The following EDRF1 variants were observed in gnomAD, a reference collection of about 807,000 sequenced individuals.
EDRF1 encodes erythroid differentiation-related factor 1.
A neutral mutation model predicts 148.7 loss-of-function variants in EDRF1; 69 were observed. The observed-to-expected ratio is 0.46, with a 90% CI of 0.38 to 0.57. The LOEUF is 0.57. Ranked by LOEUF, EDRF1 falls within the 20% of genes least tolerant of loss-of-function variation. EDRF1 has a pLI of 0.00. For missense variants in EDRF1, 1,118 were observed against 1,478.7 expected, an observed-to-expected ratio of 0.76 and a Z score of 4.00; for synonymous variants, 515 against 532.8, an observed-to-expected ratio of 0.97 and a Z score of 0.46.
chr10:125,725,933 G>T, intron 6 of EDRF1, 95 bp downstream of exon 6: 1 of 1,320,232 alleles, frequency 7.6e-7, no homozygotes, highest in Non-Finnish European at 1.1e-6. Context: ...ACAGGACTAA[G>T]AAATATTCTG....
intron 8 of EDRF1, among the ~76,000 whole-genome samples, chr10:125,730,038 T>G (rs1264062059): frequency 6.6e-6 from 1 of 152,220 alleles, no homozygotes; most frequent in Non-Finnish European, 1.5e-5. Flanking sequence ...CCTTTCCTAT[T>G]ATATTGTCTT....
chr10:125,735,501 G>A, intron 12 of EDRF1, 143 bp from the exon 13 acceptor site: 1 of 780,146 alleles, frequency 1.3e-6, no homozygotes. Flanking sequence ...GCTTTGAACT[G>A]GGAACATTTC....
At position 125,745,662 on chromosome 10, in the gene EDRF1, A is replaced by G. The variant is rs777552803; in HGVS notation, c.2591-45A>G. On this transcript the variant is annotated intron_variant, in intron 18 of 24. Coordinates refer to ENST00000356792, the MANE Select transcript of EDRF1 (RefSeq NM_001202438.2). ...ATCAAGAGACAGTGCTAAGGTTTAC[A>G]CTGATGTCTGCTTACACAGTTGTTT... 5 of 1,597,292 alleles carry G rather than the reference A, an allele frequency of 3.1e-6. No homozygotes were observed. The East Asian group carries it at 1.1e-4, about 36-fold the overall frequency.
chr10:125,735,062 G>C (rs1848659256), intron 12 of EDRF1, among the ~76,000 whole-genome samples: 1 of 152,122 alleles, frequency 6.6e-6, no homozygotes, highest in Non-Finnish European at 1.5e-5. Flanking sequence ...TGGTTTATTT[G>C]GATGTTAGAA....
intron 17 of EDRF1, chr10:125,742,128 T>C: frequency 1.1e-6 from 1 of 918,592 alleles, no homozygotes; most frequent in Non-Finnish European, 1.5e-6. Flanking sequence ...TCTGAATGAT[T>C]CCTTGGGGCT....
At chr10:125,722,421 T>C (rs532226206) in intron 2 of EDRF1, among the ~76,000 whole-genome samples, 4 of 152,304 alleles carry the variant, frequency 2.6e-5, no homozygotes, top group South Asian at 4.1e-4. Context: ...CAAAGCATGC[T>C]TTGCTGTTAG....
At chr10:125,757,668 T>C (rs1849978398) in intron 24 of EDRF1, among the ~76,000 whole-genome samples, 1 of 152,232 alleles carries the variant, frequency 6.6e-6, no homozygotes. Flanking sequence ...TTTTTATTCT[T>C]TTTTCAGTCT....
At chr10:125,734,213 A>G (rs1400741381) in intron 12 of EDRF1, 30 bp downstream of exon 12, 1 of 1,500,226 alleles carries the variant, frequency 6.7e-7, no homozygotes, top group Non-Finnish European at 9.3e-7. Flanking sequence ...ATTCTCTAAA[A>G]CAATCCTAGC....
At chr10:125,722,821 T>C (rs1276456660) in intron 2 of EDRF1, among the ~76,000 whole-genome samples, 2 of 152,236 alleles carry the variant, frequency 1.3e-5, no homozygotes, top group African/African-American at 4.8e-5. Context: ...ACTGGATGCT[T>C]CTAATGATTA....
At chr10:125,740,778 A>G (rs1848978311) in intron 16 of EDRF1, 127 bp downstream of exon 16, 2 of 1,186,528 alleles carry the variant, frequency 1.7e-6, no homozygotes, top group African/African-American at 1.5e-5. Context: ...ACTGTTTCCA[A>G]TCCTGTGTGT....
Position 125,738,392 on chromosome 10 carries a change from C to T in EDRF1, c.1928C>T (p.Ser643Leu), listed in dbSNP as rs1848842340. Reference protein sequence around the residue: ...PIPLKYEDESSRGGPEGLEKQ... With the variant: ...PIPLKYEDESLRGGPEGLEKQ... ...CCGTTAAAATATGAAGATGAATCCT[C>T]AAGAGGGGGTCCCGAGGGGCTAGAG... The change falls in exon 15 of 25, where the codon TCA (serine) becomes TTA (leucine). Residue 643 changes from serine to leucine, a missense_variant. Coordinates refer to ENST00000356792, the MANE Select transcript of EDRF1 (RefSeq NM_001202438.2). 1.9e-6 allele frequency: 3 copies of T among 1,614,096 alleles called. No homozygotes were observed. The South Asian group carries it at 3.3e-5, about 18-fold the overall frequency.
rs1439019738 is a variant in EDRF1 at position 125,737,918 on chromosome 10, C to A, written c.1759C>A (p.Pro587Thr). ...EKYKSIHQIR[P>T]SCAFPVCHDT... ...AATAATTTTATGTTTGTTCCTCAAGCCCAGTTGTGCATTTCCAGTTTGCCA... is the reference window on the plus strand; with the variant it reads ...AATAATTTTATGTTTGTTCCTCAAGACCAGTTGTGCATTTCCAGTTTGCCA... Residue 587 changes from proline (P) to threonine (T), a missense_variant and splice_region_variant, in exon 14 of 25, where the codon CCC (proline) becomes ACC (threonine). Transcript: ENST00000356792. 5 of 1,613,544 alleles carry A rather than the reference C, an allele frequency of 3.1e-6. No homozygotes were observed. Among genetic ancestry groups the A allele is most frequent in the Non-Finnish European group, 4.2e-6 (5 of 1,179,720 alleles).
At chr10:125,749,224 G>A in intron 21 of EDRF1, 188 bp from the exon 22 acceptor site, 1 of 620,544 alleles carries the variant, frequency 1.6e-6, no homozygotes. Flanking sequence ...CTCCAGCCTG[G>A]GCGACAGAGC....
At chr10:125,740,347 C>T (rs1245469050) in intron 15 of EDRF1, 116 bp from the exon 16 acceptor site, 10 of 1,044,770 alleles carry the variant, frequency 9.6e-6, no homozygotes, top group Non-Finnish European at 1.3e-5. Context: ...ATAGTATTTA[C>T]CAGTCTTGTC....
chr10:125,719,880 C>T lies in EDRF1; in HGVS notation c.73C>T (p.Leu25=). The change falls in exon 1 of 25, where the codon CTG becomes TTG. Residue 25 remains leucine, a synonymous_variant. Transcript: ENST00000356792. ...GAAARGGLSL[L]SQGESEESSA... Reference sequence around the variant, plus strand: ...CGCCGCTCGAGGAGGGCTCAGCCTCCTGTCCCAGGGAGAATCCGAGGAATC... The same window carrying T: ...CGCCGCTCGAGGAGGGCTCAGCCTCTTGTCCCAGGGAGAATCCGAGGAATC... 6.2e-7 allele frequency: 1 copy of T among 1,613,246 alleles called. No individual in the cohort carries two copies.
Position 125,747,270 on chromosome 10 carries a change from C to A in EDRF1, c.2815-266C>A. Reference sequence around the variant, plus strand: ...GAAACAAGTGCATCATCATGCTCAGCCTGAGTCAGAAAGCAGCAGCACGGA... The same window carrying A: ...GAAACAAGTGCATCATCATGCTCAGACTGAGTCAGAAAGCAGCAGCACGGA... On this transcript the variant is annotated intron_variant, in intron 19 of 24. Coordinates refer to ENST00000356792, the MANE Select transcript of EDRF1 (RefSeq NM_001202438.2). 9 of 472,252 alleles carry A rather than the reference C, an allele frequency of 1.9e-5. No homozygotes were observed. The South Asian group carries it at 2.1e-4, about 11-fold the overall frequency. The allele number at this position is 472,252 out of a possible 1,614,324, so 29.3% of individuals were successfully genotyped here.
intron 16 of EDRF1, 67 bp downstream of exon 16, chr10:125,740,718 C>T (rs1230697175): frequency 4.0e-6 from 6 of 1,516,504 alleles, no homozygotes; most frequent in Non-Finnish European, 5.5e-6. Context: ...GCATCTGAAT[C>T]ACAGTGGAAG....
Position 125,748,535 on chromosome 10 carries a change from C to T in EDRF1, c.3123+523C>T, listed in dbSNP as rs1334336567. On this transcript the variant is annotated intron_variant, in intron 21 of 24. Transcript: ENST00000356792. ...CCGAGAGATTGCTTGGCTTTTGCTG[C>T]GAGTCTTGGGCCTGTAGTTTCTCAG... The T allele has an allele frequency of 9.7e-5, 17 of 174,644 alleles. No individual in the cohort carries two copies. In the South Asian group the frequency reaches 1.0e-3, roughly 10 times the overall value. 10.8% of individuals were successfully genotyped at this position (174,644 alleles called of 1,614,324 possible).
chr10:125,741,323 T>C (rs1849006519), intron 17 of EDRF1, 122 bp downstream of exon 17: 1 of 1,018,636 alleles, frequency 9.8e-7, no homozygotes. Flanking sequence ...TGTATTTATT[T>C]ATTTATTTTT....
Sources: gnomAD v4.1 joint callset for allele counts (sites outside exome capture counted in the v4.1 genomes callset) on GRCh38, gnomAD v4.1.1 for gene constraint, MANE v1.5 for transcripts, NCBI Gene and HGNC (gene_info 2026-07-23, HGNC 2026-07-21) for gene names.